The following CFAP54 variants were observed in gnomAD, a reference collection of about 807,000 sequenced individuals.
The protein encoded by CFAP54 is cilia and flagella associated protein 54, also known as cilia- and flagella-associated protein 54.
In CFAP54, 290 loss-of-function variants were observed where a neutral mutation model predicts 370.4. The observed-to-expected ratio is 0.78, with a 90% CI of 0.71 to 0.86. CFAP54 has a LOEUF of 0.86. Among genes scored for constraint, CFAP54 ranks in the 40% least tolerant of loss-of-function variants. CFAP54 has a pLI of 0.00. For missense variants in CFAP54, 3,399 were observed against 3,528.7 expected (o/e 0.96, Z 0.93); for synonymous variants, 1,206 against 1,236.5 (o/e 0.98, Z 0.52).
At chr12:96,659,175 C>CAGA (rs1261991861) in intron 38 of CFAP54, among the ~76,000 whole-genome samples, 1 of 152,194 alleles carries the variant, frequency 6.6e-6, no homozygotes, top group Non-Finnish European at 1.5e-5. Flanking sequence ...CATCAGATCC[C>CAGA]AGAGGTGGGG....
intron 22 of CFAP54, among the ~76,000 whole-genome samples, chr12:96,581,753 T>C (rs1163427301): frequency 6.6e-6 from 1 of 152,070 alleles, no homozygotes; most frequent in African/African-American, 2.4e-5. Context: ...AGTATACATA[T>C]TATTTTACAT....
chr12:96,503,136 C>A (rs115089591), intron 2 of CFAP54, among the ~76,000 whole-genome samples: 2,436 of 145,844 alleles, frequency 0.017, 53 homozygotes, highest in African/African-American at 0.059. Flanking sequence ...CTTTCTCTCT[C>A]TCCTCTTTCT....
chr12:96,832,203 C>T (rs1043893725), intron 66 of CFAP54, among the ~76,000 whole-genome samples: 1 of 151,788 alleles, frequency 6.6e-6, no homozygotes, highest in Admixed American at 6.6e-5. Flanking sequence ...CTCCTCCTTG[C>T]CTTCCACCAT....
At chr12:96,522,391 A>G (rs760873142) in intron 8 of CFAP54, among the ~76,000 whole-genome samples, 2 of 152,186 alleles carry the variant, frequency 1.3e-5, no homozygotes, top group African/African-American at 2.4e-5. Flanking sequence ...GTGTCTTAGC[A>G]CAATCCCAGT....
chr12:96,671,087 C>T (rs983459926), intron 39 of CFAP54, among the ~76,000 whole-genome samples: 5 of 152,182 alleles, frequency 3.3e-5, no homozygotes, highest in African/African-American at 1.2e-4. Context: ...ATTCTCCTGC[C>T]TCATCCTCCT....
At chr12:96,747,732 G>A (rs1958132873) in intron 55 of CFAP54, among the ~76,000 whole-genome samples, 1 of 152,112 alleles carries the variant, frequency 6.6e-6, no homozygotes, top group African/African-American at 2.4e-5. Flanking sequence ...AGTTATCCAA[G>A]CTCTTAGACT....
intron 26 of CFAP54, among the ~76,000 whole-genome samples, chr12:96,605,642 A>C (rs1339658145): frequency 8.1e-6 from 1 of 123,746 alleles, no homozygotes; most frequent in Non-Finnish European, 1.9e-5. Context: ...ACGATTACCT[A>C]TTTGTGTCAG....
At chr12:96,677,012 C>CTTTTCT (rs1555288653) in intron 39 of CFAP54, among the ~76,000 whole-genome samples, 1 of 150,568 alleles carries the variant, frequency 6.6e-6, no homozygotes, top group Non-Finnish European at 1.5e-5. Flanking sequence ...CTTTTCTTTT[C>CTTTTCT]TTTTTTTTGA....
At chr12:96,640,536 A>G (rs1366110184) in intron 32 of CFAP54, among the ~76,000 whole-genome samples, 3 of 152,236 alleles carry the variant, frequency 2.0e-5, no homozygotes, top group African/African-American at 7.2e-5. Context: ...ATCCCCATCA[A>G]CCTACCAATG....
intron 55 of CFAP54, among the ~76,000 whole-genome samples, chr12:96,745,791 G>C (rs1179211436): frequency 6.6e-6 from 1 of 152,198 alleles, no homozygotes; most frequent in African/African-American, 2.4e-5. Context: ...AAATAAACTT[G>C]TGTCTTACAA....
chr12:96,713,550 A>C (rs534404336), intron 48 of CFAP54, among the ~76,000 whole-genome samples: 8 of 152,198 alleles, frequency 5.3e-5, no homozygotes, highest in Non-Finnish European at 1.0e-4. Flanking sequence ...AGAATTGAGA[A>C]TATAACAGTG....
At chr12:96,554,374 G>C in intron 16 of CFAP54, 64 bp downstream of exon 16, 1 of 1,434,450 alleles carries the variant, frequency 7.0e-7, no homozygotes, top group Non-Finnish European at 9.1e-7. Context: ...AACTGGCCTT[G>C]AAAGTAGGTA....
intron 22 of CFAP54, among the ~76,000 whole-genome samples, chr12:96,587,303 G>C (rs937993979): frequency 6.6e-6 from 1 of 152,122 alleles, no homozygotes; most frequent in Admixed American, 6.5e-5. Flanking sequence ...AGACAGAAAA[G>C]AGGAGCAGTT....
intron 55 of CFAP54, among the ~76,000 whole-genome samples, chr12:96,752,085 T>TAAGAGAGAGAGAGAGAGA (rs1378500964): frequency 2.2e-5 from 2 of 90,568 alleles, no homozygotes; most frequent in African/African-American, 7.8e-5. Flanking sequence ...TCTTCCTGGA[T>TAAGAGAGAGAGAGAGAGA]GAGAGAGAGA....
At chr12:96,602,644 A>G (rs553801801) in intron 26 of CFAP54, among the ~76,000 whole-genome samples, 2 of 152,148 alleles carry the variant, frequency 1.3e-5, no homozygotes, top group Non-Finnish European at 2.9e-5. Context: ...GTGCTCCTGT[A>G]TTGGGTGCAT....
In CFAP54 at chr12:96,527,290, G is replaced by T; in HGVS notation, c.1203G>T (p.Met401Ile). The T allele has an allele frequency of 6.5e-7, 1 of 1,534,348 alleles. No individual in the cohort carries two copies. The highest frequency in any genetic ancestry group is 8.7e-7 in the Non-Finnish European group (1 of 1,146,078). ...RTVTERLLDE[M>I]FDSTASQFLA... ...TCACAGAGCGGCTACTGGATGAGATGTTTGATAGCACTGCATCCCAGTTTC... is the reference window on the plus strand; with the variant it reads ...TCACAGAGCGGCTACTGGATGAGATTTTTGATAGCACTGCATCCCAGTTTC... The change falls in exon 9 of 68, where the codon ATG becomes ATT. Residue 401 changes from methionine to isoleucine, a missense_variant. Met to Ile is a conservative substitution (Grantham distance 10). Coordinates refer to ENST00000524981, the MANE Select transcript of CFAP54 (RefSeq NM_001306084.2).
At chr12:96,579,450 C>T (rs143410692) in intron 20 of CFAP54, among the ~76,000 whole-genome samples, 1 of 152,272 alleles carries the variant, frequency 6.6e-6, no homozygotes, top group East Asian at 1.9e-4. Flanking sequence ...GGAGCACAGT[C>T]AGTGTTGAGA....
intron 42 of CFAP54, among the ~76,000 whole-genome samples, chr12:96,688,710 A>G (rs1957354461): frequency 6.6e-6 from 1 of 152,170 alleles, no homozygotes; most frequent in Non-Finnish European, 1.5e-5. Context: ...ATTGACTAAA[A>G]TGTTACTAGT....
intron 22 of CFAP54, among the ~76,000 whole-genome samples, chr12:96,582,340 A>G (rs528624577): frequency 6.6e-6 from 1 of 152,256 alleles, no homozygotes; most frequent in Admixed American, 6.5e-5. Flanking sequence ...CATAGGTCTC[A>G]AGTATCTAAT....
Sources: gnomAD v4.1 joint callset for allele counts (sites outside exome capture counted in the v4.1 genomes callset) on GRCh38, gnomAD v4.1.1 for gene constraint, MANE v1.5 for transcripts, NCBI Gene and HGNC (gene_info 2026-07-23, HGNC 2026-07-21) for gene names.